TADA2A: variants seen among roughly 807,000 people sequenced by gnomAD.
TADA2A encodes the protein transcriptional adaptor 2A, also known as transcriptional adapter 2-alpha.
In TADA2A, 38 loss-of-function variants were observed where a neutral mutation model predicts 67.4. That is an observed-to-expected ratio of 0.56 (90% confidence interval 0.44 to 0.74). The LOEUF is 0.74. Among genes scored for constraint, TADA2A ranks in the 30% least tolerant of loss-of-function variants. The probability of loss-of-function intolerance (pLI) is 0.00; values close to 1 mark genes in which losing one functional copy is unlikely to be tolerated. For synonymous variants in TADA2A, 192 were observed against 181.6 expected (o/e 1.06, Z -0.46); for missense variants, 454 against 547.0 (o/e 0.83, Z 1.70).
intron 2 of TADA2A, among the ~76,000 whole-genome samples, chr17:37,418,449 A>G (rs1374653058): frequency 6.6e-6 from 1 of 152,178 alleles, no homozygotes; most frequent in Non-Finnish European, 1.5e-5. Context: ...AGTTGAGTAC[A>G]ATTAGGTTAT....
intron 5 of TADA2A, chr17:37,438,057 C>T (rs1257637601): frequency 4.3e-6 from 2 of 467,350 alleles, no homozygotes; most frequent in Non-Finnish European, 7.6e-6. Context: ...TTTAAAAGGC[C>T]ACTTTGGATG....
chr17:37,467,284 CA>C (rs2053685719), intron 11 of TADA2A, among the ~76,000 whole-genome samples, 169 bp from the exon 12 acceptor site: 1 of 152,234 alleles, frequency 6.6e-6, no homozygotes, highest in Non-Finnish European at 1.5e-5. Flanking sequence ...AGGTTTTCCT[CA>C]GCTCTTGGGT....
chr17:37,441,025 G>A (rs571223285), intron 6 of TADA2A, among the ~76,000 whole-genome samples: 14 of 152,108 alleles, frequency 9.2e-5, no homozygotes, highest in African/African-American at 3.4e-4. Flanking sequence ...AACCGGGTAG[G>A]CGGAGATTGC....
At chr17:37,442,779 C>A in intron 7 of TADA2A, 127 bp downstream of exon 7, 1 of 781,774 alleles carries the variant, frequency 1.3e-6, no homozygotes. Context: ...ATTTGTAGGA[C>A]CTTTAGGCAG....
intron 2 of TADA2A, among the ~76,000 whole-genome samples, chr17:37,422,512 A>ATTATTATTATT (rs1248926117): frequency 7.0e-6 from 1 of 143,370 alleles, no homozygotes; most frequent in Non-Finnish European, 1.5e-5. Flanking sequence ...TATTATTATT[A>ATTATTATTATT]TTATTATTAT....
chr17:37,465,058 G>T (rs1597936943), intron 10 of TADA2A, among the ~76,000 whole-genome samples: 1 of 149,760 alleles, frequency 6.7e-6, no homozygotes, highest in African/African-American at 2.5e-5. Context: ...TGAGGTAGGA[G>T]AATTGCTTGA....
At chr17:37,458,652 T>TGC in intron 9 of TADA2A, 65 bp downstream of exon 9, 1 of 1,143,364 alleles carries the variant, frequency 8.7e-7, no homozygotes, top group Non-Finnish European at 1.3e-6. Context: ...TGTGTGTGTG[T>TGC]GTGTGTGTGT....
At chr17:37,467,171 T>C (rs569722878) in intron 11 of TADA2A, among the ~76,000 whole-genome samples, 1 of 151,876 alleles carries the variant, frequency 6.6e-6, no homozygotes, top group Admixed American at 6.6e-5. Context: ...AAAAAAAAAA[T>C]TGTTACTTTT....
chr17:37,451,049 CAG>C (rs2053218370), intron 8 of TADA2A, among the ~76,000 whole-genome samples: 2 of 151,510 alleles, frequency 1.3e-5, no homozygotes, highest in African/African-American at 4.9e-5. Context: ...TTAAAAGAAA[CAG>C]AGTCTCATTC....
chr17:37,470,374 G>C, intron 12 of TADA2A, 26 bp from the exon 13 acceptor site: 1 of 1,612,894 alleles, frequency 6.2e-7, no homozygotes, highest in Non-Finnish European at 8.5e-7. Context: ...TTGTCATTGT[G>C]GTCATTGTGT....
chr17:37,457,822 A>T (rs948136536), intron 8 of TADA2A, among the ~76,000 whole-genome samples: 2 of 152,104 alleles, frequency 1.3e-5, no homozygotes, highest in Admixed American at 6.6e-5. Context: ...GAGTACTCTG[A>T]TGCAATTTCT....
chr17:37,463,690 G>C (rs34355985), intron 10 of TADA2A, among the ~76,000 whole-genome samples: 4 of 151,728 alleles, frequency 2.6e-5, no homozygotes, highest in African/African-American at 9.7e-5. Flanking sequence ...CACTCCAGTT[G>C]TCCAGGCTGG....
At chr17:37,471,272 A>AGTGT (rs2053781854) in intron 14 of TADA2A, 135 bp downstream of exon 14, 2 of 809,510 alleles carry the variant, frequency 2.5e-6, no homozygotes, top group Non-Finnish European at 4.1e-6. Flanking sequence ...TGTTAGCCCA[A>AGTGT]TATATAAACA....
chr17:37,450,303 A>G (rs142828521), intron 8 of TADA2A, among the ~76,000 whole-genome samples: 180 of 152,236 alleles, frequency 1.2e-3, no homozygotes, highest in African/African-American at 4.3e-3. Flanking sequence ...TGACTTAAAT[A>G]GTGTTGCTTC....
chr17:37,417,518 A>G (rs1337867885), intron 2 of TADA2A, among the ~76,000 whole-genome samples: 1 of 152,120 alleles, frequency 6.6e-6, no homozygotes, highest in African/African-American at 2.4e-5. Context: ...TACATAAGAC[A>G]ATATGTCTAC....
intron 1 of TADA2A, among the ~76,000 whole-genome samples, chr17:37,409,397 C>G (rs1389439897): frequency 1.3e-5 from 2 of 152,094 alleles, no homozygotes; most frequent in African/African-American, 4.8e-5. Flanking sequence ...CCTGCTTTCA[C>G]TTAATTTAGA....
intron 14 of TADA2A, among the ~76,000 whole-genome samples, chr17:37,474,260 G>A (rs1184568783): frequency 6.6e-6 from 1 of 152,100 alleles, no homozygotes; most frequent in Non-Finnish European, 1.5e-5. Flanking sequence ...TAATAAATAA[G>A]AGATAACTAC....
intron 8 of TADA2A, among the ~76,000 whole-genome samples, chr17:37,456,837 G>A (rs1181850908): frequency 6.6e-6 from 1 of 152,154 alleles, no homozygotes; most frequent in African/African-American, 2.4e-5. Flanking sequence ...GAACTCTGAA[G>A]ATGGAAAGAG....
chr17:37,458,641 G>A (rs940066790), intron 9 of TADA2A, 54 bp downstream of exon 9: 1 of 322,866 alleles, frequency 3.1e-6, no homozygotes, highest in Non-Finnish European at 4.3e-6. Context: ...ATTGTTTTGT[G>A]TGTGTGTGTG....
Sources: allele counts gnomAD v4.1 joint callset (sites outside exome capture counted in the v4.1 genomes callset), GRCh38; gene constraint gnomAD v4.1.1; transcripts MANE v1.5; gene names NCBI Gene and HGNC (gene_info 2026-07-23, HGNC 2026-07-21).